ADAM10: variants seen among roughly 807,000 people sequenced by gnomAD.
ADAM10 encodes ADAM metallopeptidase domain 10, also known as disintegrin and metalloproteinase domain-containing protein 10.
ADAM10 carries 17 observed loss-of-function variants against 90.1 expected under a neutral mutation model. The ratio of observed to expected loss-of-function variants is 0.19; its 90% CI spans 0.13 to 0.28. The LOEUF is 0.28. Among genes scored for constraint, ADAM10 ranks in the 10% least tolerant of loss-of-function variants. ADAM10 has a pLI of 1.00. For synonymous variants in ADAM10, 310 were observed against 298.6 expected (o/e 1.04, Z -0.40); for missense variants, 610 against 914.3 (o/e 0.67, Z 4.29).
intron 2 of ADAM10, among the ~76,000 whole-genome samples, chr15:58,686,789 G>A (rs1396759747): frequency 6.6e-6 from 1 of 152,206 alleles, no homozygotes; most frequent in Non-Finnish European, 1.5e-5. Context: ...CTACTTGAGT[G>A]AGGAAACTGG....
intron 1 of ADAM10, among the ~76,000 whole-genome samples, chr15:58,721,467 G>C (rs1898850276): frequency 6.6e-6 from 1 of 152,148 alleles, no homozygotes; most frequent in South Asian, 2.1e-4. Context: ...GTATGAAATT[G>C]AATTACATAA....
intron 5 of ADAM10, among the ~76,000 whole-genome samples, chr15:58,654,677 C>T (rs980374591): frequency 3.9e-5 from 6 of 152,214 alleles, no homozygotes; most frequent in Non-Finnish European, 8.8e-5. Flanking sequence ...CCACTCCTAG[C>T]CAGTAAGTTG....
chr15:58,724,763 A>T (rs1038823523), intron 1 of ADAM10, among the ~76,000 whole-genome samples: 1 of 152,218 alleles, frequency 6.6e-6, no homozygotes, highest in East Asian at 1.9e-4. Context: ...CAGTAGAAGG[A>T]AGCAAAACAA....
intron 1 of ADAM10, among the ~76,000 whole-genome samples, chr15:58,737,758 A>C (rs1448013663): frequency 6.6e-6 from 1 of 152,180 alleles, no homozygotes; most frequent in Non-Finnish European, 1.5e-5. Flanking sequence ...CTTCCTTCCC[A>C]ATCCTTGAAC....
At chr15:58,700,726 A>C (rs7163515) in intron 2 of ADAM10, among the ~76,000 whole-genome samples, 95,027 of 151,800 alleles carry the variant, frequency 0.63, 30,421 homozygotes, top group Middle Eastern at 0.72. Flanking sequence ...ATAAATTATA[A>C]TAATCAAGGT....
intron 1 of ADAM10, chr15:58,748,574 G>C (rs765683686): frequency 4.8e-6 from 1 of 208,022 alleles, no homozygotes; most frequent in Non-Finnish European, 9.5e-6. Context: ...ATGTGCAGGG[G>C]GGAGGGGGCA....
In ADAM10 at chr15:58,749,457, C is replaced by G. The variant is rs1325076178; in HGVS notation, c.55+23G>C. Reference sequence around the variant, plus strand: ...CGCTCCGCCGTGGTCGCGGCGCCCCCGGCGCTCGCAGTCGTGCCTCACCTC... The same window carrying G: ...CGCTCCGCCGTGGTCGCGGCGCCCCGGGCGCTCGCAGTCGTGCCTCACCTC... On this transcript the variant is annotated intron_variant, in intron 1 of 15. Coordinates refer to ENST00000260408, the MANE Select transcript of ADAM10 (RefSeq NM_001110.4). 3 of 1,526,602 alleles carry G rather than the reference C, an allele frequency of 2.0e-6. No individual in the cohort carries two copies. The South Asian group carries it at 3.7e-5, about 19-fold the overall frequency. The allele number at this position is 1,526,602 out of a possible 1,614,324, so 94.6% of individuals were successfully genotyped here.
intron 4 of ADAM10, chr15:58,672,504 C>G (rs1212064597): frequency 1.3e-5 from 2 of 152,046 alleles, no homozygotes; most frequent in Non-Finnish European, 2.9e-5. Context: ...ACAAGGATGG[C>G]TATTAAAGAG....
At chr15:58,646,966 T>G (rs1042201340) in intron 5 of ADAM10, among the ~76,000 whole-genome samples, 3 of 152,196 alleles carry the variant, frequency 2.0e-5, no homozygotes, top group East Asian at 1.9e-4. Flanking sequence ...TGCCAGTCTT[T>G]GCACATGCTG....
chr15:58,691,067 T>C (rs771052791), intron 2 of ADAM10: 1 of 610,318 alleles, frequency 1.6e-6, no homozygotes, highest in East Asian at 3.2e-5. Context: ...TGTCCCAAAA[T>C]GCCTGCGCTT....
At chr15:58,655,742 C>CTTTTTT (rs71116585) in intron 5 of ADAM10, among the ~76,000 whole-genome samples, 1 of 39,662 alleles carries the variant, frequency 2.5e-5, no homozygotes, top group Non-Finnish European at 4.3e-5. Context: ...TATATATATT[C>CTTTTTT]TTTTTTTTTT....
chr15:58,668,534 T>C (rs1358039158), intron 4 of ADAM10, among the ~76,000 whole-genome samples: 1 of 151,992 alleles, frequency 6.6e-6, no homozygotes, highest in Non-Finnish European at 1.5e-5. Context: ...TGATCACAGA[T>C]TCTCTCCTCT....
intron 1 of ADAM10, among the ~76,000 whole-genome samples, chr15:58,741,217 A>C (rs1899602420): frequency 6.6e-6 from 1 of 152,230 alleles, no homozygotes; most frequent in South Asian, 2.1e-4. Flanking sequence ...TAAAATGCAA[A>C]GATCGCATTA....
At chr15:58,699,005 G>A (rs1239995429) in intron 2 of ADAM10, among the ~76,000 whole-genome samples, 2 of 152,262 alleles carry the variant, frequency 1.3e-5, no homozygotes, top group Admixed American at 1.3e-4. Context: ...TAGTCAAACT[G>A]TGAAAAGTCA....
At chr15:58,604,310 G>A (rs538181977) in intron 14 of ADAM10, among the ~76,000 whole-genome samples, 38 of 152,132 alleles carry the variant, frequency 2.5e-4, no homozygotes, top group Non-Finnish European at 5.3e-4. Context: ...GCAGTGAGCC[G>A]AGATTACGCC....
chr15:58,717,104 A>T (rs1567009974), intron 2 of ADAM10, among the ~76,000 whole-genome samples: 1 of 152,048 alleles, frequency 6.6e-6, no homozygotes, highest in East Asian at 1.9e-4. Flanking sequence ...CTCTCCCTTG[A>T]CTCCCCTTTA....
Position 58,596,771 on chromosome 15 carries a change from A to G in ADAM10, c.*776T>C, listed in dbSNP as rs141954383. 2.0e-5 allele frequency: 3 copies of G among 152,726 alleles called. No homozygotes were observed. The highest frequency in any genetic ancestry group is 7.2e-5 in the African/African-American group (3 of 41,588). The allele number at this position is 152,726 out of a possible 1,614,324, so 9.5% of individuals were successfully genotyped here. A position where few individuals can be genotyped will look rare whatever the true frequency, so the allele number is the denominator to read the frequency against. On this transcript the variant is annotated 3_prime_UTR_variant, in exon 16 of 16. Coordinates refer to ENST00000260408, the MANE Select transcript of ADAM10 (RefSeq NM_001110.4). Reference sequence around the variant, plus strand: ...TGAAGTAGTATGTGCTGCTATGTCCAGTTTGCACAACACTTAACTGTGTTC... The same window carrying G: ...TGAAGTAGTATGTGCTGCTATGTCCGGTTTGCACAACACTTAACTGTGTTC...
chr15:58,692,233 CCTT>C (rs761539358), intron 2 of ADAM10: 1 of 585,338 alleles, frequency 1.7e-6, no homozygotes, highest in Non-Finnish European at 3.4e-6. Flanking sequence ...TTCCAAATGA[CCTT>C]CTACAGGGAA....
chr15:58,611,843 C>T lies in ADAM10; in HGVS notation c.1660G>A (p.Asp554Asn). 1 of 1,614,186 alleles carries T rather than the reference C, an allele frequency of 6.2e-7. No individual in the cohort carries two copies. The highest frequency in any genetic ancestry group is 8.5e-7 in the Non-Finnish European group (1 of 1,180,028). ...CACACTTGTGTATGCCTATTACAGT[C>T]TGTGAAGTTTGGTTTAGGGTCAGAT... ...PASDPKPNFT[D>N]CNRHTQVCIN... Residue 554 changes from aspartate to asparagine, a missense_variant, in exon 12 of 16, where the codon GAC becomes AAC. This residue lies in a region of ADAM10 where 150 missense variants were observed against 268.5 expected (regional missense o/e 0.56). Transcript: ENST00000260408.
Sources: gnomAD v4.1 joint callset for allele counts (sites outside exome capture counted in the v4.1 genomes callset) on GRCh38, gnomAD v4.1.1 for gene constraint, gnomAD v4.1.1 regional missense constraint, MANE v1.5 for transcripts, NCBI Gene and HGNC (gene_info 2026-07-23, HGNC 2026-07-21) for gene names.